The following C2CD3 variants were observed in gnomAD, a reference collection of about 807,000 sequenced individuals.
C2CD3 encodes the protein C2 domain-containing protein 3.
Under a neutral mutation model 234.0 loss-of-function variants are expected in C2CD3, and 148 were observed. The ratio of observed to expected loss-of-function variants is 0.63; its 90% confidence interval spans 0.55 to 0.72. The LOEUF (loss-of-function observed/expected upper bound fraction) is 0.72, where lower values mean the gene tolerates loss of function less well. C2CD3 is among the 30% of genes least tolerant of loss of function. The probability of loss-of-function intolerance (pLI) is 0.00; values close to 1 mark genes in which losing one functional copy is unlikely to be tolerated. For missense variants in C2CD3, 2,577 were observed against 2,811.5 expected, an observed-to-expected ratio of 0.92 and a Z score of 1.89; for synonymous variants, 1,000 against 1,035.4, an observed-to-expected ratio of 0.97 and a Z score of 0.66.
In C2CD3 at chr11:74,168,310, C is replaced by T. The variant is rs561904251; in HGVS notation, c.325+34G>A. On this transcript the variant is annotated intron_variant, in intron 2 of 32. Transcript: ENST00000334126. Reference sequence around the variant, plus strand: ...CAATATAACCACATGCTTTGTATTACGTCTGCAGGTGCAATGATAAAACAA... The same window carrying T: ...CAATATAACCACATGCTTTGTATTATGTCTGCAGGTGCAATGATAAAACAA... 4.1e-4 allele frequency: 632 copies of T among 1,557,630 alleles called. 4 individuals carry two copies. In the Admixed American group the frequency reaches 7.9e-3, roughly 19 times the overall value.
chr11:74,054,723 T>C (rs1461618197), intron 25 of C2CD3, 52 bp from the exon 26 acceptor site: 3 of 1,235,802 alleles, frequency 2.4e-6, no homozygotes, highest in East Asian at 2.3e-5. Flanking sequence ...CTTTCTGTAG[T>C]ATAAAACTTA....
intron 24 of C2CD3, among the ~76,000 whole-genome samples, chr11:74,072,902 A>G (rs1017802543): frequency 3.3e-5 from 5 of 152,122 alleles, no homozygotes; most frequent in Admixed American, 3.3e-4. Context: ...TGTGTGACAT[A>G]TGATATGATA....
At chr11:74,134,230 C>T (rs1438957310) in intron 5 of C2CD3, among the ~76,000 whole-genome samples, 1 of 152,198 alleles carries the variant, frequency 6.6e-6, no homozygotes, top group African/African-American at 2.4e-5. Flanking sequence ...GAGTAGGTAA[C>T]TTGACCAAGT....
intron 32 of C2CD3, among the ~76,000 whole-genome samples, chr11:74,026,773 T>C (rs1434933691): frequency 1.3e-5 from 2 of 151,784 alleles, no homozygotes; most frequent in Non-Finnish European, 2.9e-5. Flanking sequence ...ATTGAGACCA[T>C]CCTGGCCAAC....
chr11:74,069,818 A>G (rs1954714588), intron 24 of C2CD3, among the ~76,000 whole-genome samples: 1 of 152,196 alleles, frequency 6.6e-6, no homozygotes. Flanking sequence ...TTTTATGTTA[A>G]TAAAAACTTA....
In C2CD3 at chr11:74,050,567, C is replaced by G. The variant is rs548169762; in HGVS notation, c.5156-1025G>C. ...ATAGTGAAATCAAAGGCTGGATCTA[C>G]CAAACACTGATACAACTGTAGGTCT... On this transcript the variant is annotated intron_variant, in intron 26 of 32. Transcript: ENST00000334126. Among the ~76,000 whole-genome samples the G allele has an allele frequency of 4.3e-4, 66 of 152,324 alleles. 1 individual carries two copies. Among genetic ancestry groups the G allele is most frequent in the African/African-American group, 1.5e-3 (64 of 41,562 alleles).
intron 32 of C2CD3, among the ~76,000 whole-genome samples, chr11:74,021,307 C>G (rs1163171563): frequency 6.6e-6 from 1 of 152,126 alleles, no homozygotes; most frequent in African/African-American, 2.4e-5. Context: ...CAGCTGTACC[C>G]TTTAATCGAA....
intron 25 of C2CD3, among the ~76,000 whole-genome samples, chr11:74,056,344 C>T (rs1953948347): frequency 6.6e-6 from 1 of 152,208 alleles, no homozygotes; most frequent in South Asian, 2.1e-4. Flanking sequence ...TCATGGCTTC[C>T]TATGCCAGCC....
chr11:74,162,586 T>C (rs1856546432), intron 2 of C2CD3, among the ~76,000 whole-genome samples: 2 of 152,192 alleles, frequency 1.3e-5, no homozygotes, highest in South Asian at 4.1e-4. Context: ...TCACTTATCA[T>C]ACCATTCTGG....
rs1452713907 is a variant in C2CD3 at position 74,103,544 on chromosome 11, G to T, written c.2167C>A (p.Leu723Ile). Reference protein sequence around the residue: ...KLSGNTHYTPLCAPTSPNKAL... With the variant: ...KLSGNTHYTPICAPTSPNKAL... Reference sequence around the variant, plus strand: ...TTATTTGGACTTGTAGGAGCACAAAGTGGGGTATAATGGGTGTTGCCACTT... The same window carrying T: ...TTATTTGGACTTGTAGGAGCACAAATTGGGGTATAATGGGTGTTGCCACTT... Residue 723 changes from leucine to isoleucine, a missense_variant, in exon 14 of 33, where the codon CTT becomes ATT. Leu to Ile is a conservative substitution (Grantham distance 5). Transcript: ENST00000334126. The T allele has an allele frequency of 3.1e-6, 5 of 1,613,878 alleles. No homozygotes were observed. Among genetic ancestry groups the T allele is most frequent in the Non-Finnish European group, 4.2e-6 (5 of 1,179,966 alleles).
chr11:74,051,980 T>C (rs1022166948), intron 26 of C2CD3, among the ~76,000 whole-genome samples: 1 of 152,218 alleles, frequency 6.6e-6, no homozygotes, highest in Non-Finnish European at 1.5e-5. Context: ...AACCCATTTA[T>C]GCTAGAGTCT....
intron 5 of C2CD3, among the ~76,000 whole-genome samples, chr11:74,135,883 T>G (rs1351574225): frequency 2.0e-5 from 3 of 152,152 alleles, no homozygotes; most frequent in Non-Finnish European, 4.4e-5. Flanking sequence ...AACTAAATAC[T>G]GCATGTTTTC....
At chr11:74,032,416 T>A (rs1355712692) in intron 31 of C2CD3, among the ~76,000 whole-genome samples, 1 of 152,056 alleles carries the variant, frequency 6.6e-6, no homozygotes, top group Non-Finnish European at 1.5e-5. Flanking sequence ...CTGTAGATGG[T>A]CCTAAGTGGT....
chr11:74,040,592 T>TAAAAATAC (rs1477838325), intron 29 of C2CD3, among the ~76,000 whole-genome samples: 1 of 151,626 alleles, frequency 6.6e-6, no homozygotes, highest in African/African-American at 2.4e-5. Flanking sequence ...CTGTCTCTAC[T>TAAAAATAC]AAAAATACAA....
intron 24 of C2CD3, among the ~76,000 whole-genome samples, chr11:74,070,179 T>TA (rs1404997719): frequency 1.3e-5 from 2 of 152,230 alleles, no homozygotes; most frequent in African/African-American, 4.8e-5. Flanking sequence ...ATACAAACCT[T>TA]AAGAGTATTG....
intron 3 of C2CD3, among the ~76,000 whole-genome samples, chr11:74,147,144 A>G (rs1855262036): frequency 6.6e-6 from 1 of 152,192 alleles, no homozygotes; most frequent in Non-Finnish European, 1.5e-5. Flanking sequence ...GGCCAGGCAC[A>G]GTGGTTCACA....
At chr11:74,095,877 G>GA (rs1225855454) in intron 16 of C2CD3, among the ~76,000 whole-genome samples, 1 of 152,036 alleles carries the variant, frequency 6.6e-6, no homozygotes, top group Non-Finnish European at 1.5e-5. Flanking sequence ...CATAATTTAA[G>GA]AAAAAAAGGA....
intron 3 of C2CD3, among the ~76,000 whole-genome samples, chr11:74,159,683 T>TA (rs1565356763): frequency 6.6e-6 from 1 of 152,074 alleles, no homozygotes; most frequent in African/African-American, 2.4e-5. Context: ...GTTTATAAAG[T>TA]AAAAAAAGTT....
intron 20 of C2CD3, among the ~76,000 whole-genome samples, chr11:74,088,254 A>AT (rs1955734744): frequency 6.6e-6 from 1 of 152,196 alleles, no homozygotes; most frequent in African/African-American, 2.4e-5. Flanking sequence ...ACTGATCCCT[A>AT]CAAAATCAGG....
Sources: gnomAD v4.1 joint callset for allele counts (sites outside exome capture counted in the v4.1 genomes callset) on GRCh38, gnomAD v4.1.1 for gene constraint, MANE v1.5 for transcripts, NCBI Gene and HGNC (gene_info 2026-07-23, HGNC 2026-07-21) for gene names.